The following MET variants were observed in gnomAD, a reference collection of about 807,000 sequenced individuals.
The protein encoded by MET is MET proto-oncogene, receptor tyrosine kinase, also known as hepatocyte growth factor receptor.
MET carries 48 observed loss-of-function variants against 133.1 expected under a neutral mutation model. The ratio of observed to expected loss-of-function variants is 0.36; its 90% CI spans 0.29 to 0.46. The LOEUF (loss-of-function observed/expected upper bound fraction) is 0.46. MET is among the 20% of genes least tolerant of loss of function. The probability of loss-of-function intolerance (pLI) is 1.00; values close to 1 mark genes in which losing one functional copy is unlikely to be tolerated. For missense variants in MET, 1,442 were observed against 1,695.9 expected (o/e 0.85, Z 2.63); for synonymous variants, 628 against 616.5 (o/e 1.02, Z -0.28).
chr7:116,764,549 T>A (rs1794543866), intron 11 of MET, among the ~76,000 whole-genome samples: 1 of 152,142 alleles, frequency 6.6e-6, no homozygotes, highest in Non-Finnish European at 1.5e-5. Flanking sequence ...CCTGTATCTA[T>A]GATGAAGGGA....
intron 19 of MET, among the ~76,000 whole-genome samples, chr7:116,785,169 A>G (rs934125452): frequency 7.9e-5 from 12 of 152,222 alleles, no homozygotes; most frequent in African/African-American, 2.7e-4. Flanking sequence ...CTGTGGCTCT[A>G]CAGGGCTCAG....
At chr7:116,732,698 C>G (rs532673266) in intron 3 of MET, among the ~76,000 whole-genome samples, 1 of 152,298 alleles carries the variant, frequency 6.6e-6, no homozygotes, top group South Asian at 2.1e-4. Flanking sequence ...GTACCCTCAT[C>G]AGACAATAAC....
chr7:116,786,801 A>G (rs2117078495), intron 19 of MET, among the ~76,000 whole-genome samples: 1 of 152,338 alleles, frequency 6.6e-6, no homozygotes, highest in South Asian at 2.1e-4. Flanking sequence ...TTCATGGGGG[A>G]CATGCACTTG....
intron 1 of MET, among the ~76,000 whole-genome samples, chr7:116,690,730 T>G (rs569599303): frequency 6.6e-6 from 1 of 152,330 alleles, no homozygotes; most frequent in South Asian, 2.1e-4. Context: ...TCCATTTAGG[T>G]TGCACATTTA....
chr7:116,678,104 G>A (rs1459642168), intron 1 of MET, among the ~76,000 whole-genome samples: 1 of 152,048 alleles, frequency 6.6e-6, no homozygotes, highest in African/African-American at 2.4e-5. Flanking sequence ...CCCTTTAAAA[G>A]CAATCAGATC....
At chr7:116,733,710 G>A (rs566916755) in intron 3 of MET, among the ~76,000 whole-genome samples, 2 of 152,108 alleles carry the variant, frequency 1.3e-5, no homozygotes, top group Non-Finnish European at 2.9e-5. Flanking sequence ...AAAAGTACTG[G>A]TATCACTGAT....
chr7:116,759,250 C>A, intron 9 of MET, 141 bp from the exon 10 acceptor site: 1 of 1,244,680 alleles, frequency 8.0e-7, no homozygotes, highest in Non-Finnish European at 1.1e-6. Context: ...TTCCAAAGAA[C>A]AGTTACCCAT....
At chr7:116,748,742 A>G (rs1016098351) in intron 5 of MET, among the ~76,000 whole-genome samples, 3 of 152,240 alleles carry the variant, frequency 2.0e-5, no homozygotes, top group African/African-American at 7.2e-5. Context: ...GAGAAGAATC[A>G]AATAGACACA....
chr7:116,677,172 G>C (rs1258398427), intron 1 of MET, among the ~76,000 whole-genome samples: 1 of 151,920 alleles, frequency 6.6e-6, no homozygotes. Context: ...TTTTTTCACT[G>C]ATCCCTTCCA....
At chr7:116,691,547 G>T (rs973864111) in intron 1 of MET, among the ~76,000 whole-genome samples, 3 of 152,180 alleles carry the variant, frequency 2.0e-5, no homozygotes, top group Admixed American at 1.3e-4. Flanking sequence ...AGGAAGAAAA[G>T]AAGAAATTTT....
chr7:116,769,865 A>G, intron 12 of MET, 74 bp downstream of exon 12: 1 of 1,600,246 alleles, frequency 6.2e-7, no homozygotes, highest in Non-Finnish European at 8.6e-7. Context: ...GGCTTAAAAT[A>G]AATCATTAAA....
At chr7:116,743,040 C>T (rs1287293358) in intron 5 of MET, among the ~76,000 whole-genome samples, 2 of 152,206 alleles carry the variant, frequency 1.3e-5, no homozygotes, top group Admixed American at 6.5e-5. Context: ...GTACACGGCT[C>T]ATCTCATTGG....
intron 5 of MET, among the ~76,000 whole-genome samples, chr7:116,742,220 T>G (rs917109442): frequency 3.3e-5 from 5 of 152,206 alleles, no homozygotes; most frequent in African/African-American, 9.7e-5. Flanking sequence ...GGAGCAAGAT[T>G]TGTAGTGGGT....
In MET at chr7:116,796,440, A is replaced by G; in HGVS notation, c.*316A>G. On this transcript the variant is annotated 3_prime_UTR_variant, in exon 21 of 21. Transcript: ENST00000397752. The stretch of plus-strand genomic sequence containing the variant: ...CACTTGATTTCATATGGGAAATTGA[A>G]GCAGGAAATATTGAGGGCTTCTTGA... 1 of 459,102 alleles carries G rather than the reference A, an allele frequency of 2.2e-6. No homozygotes were observed. Among genetic ancestry groups the G allele is most frequent in the Non-Finnish European group, 4.0e-6 (1 of 249,706 alleles). 28.4% of individuals were successfully genotyped at this position (459,102 alleles called of 1,614,324 possible).
intron 3 of MET, among the ~76,000 whole-genome samples, chr7:116,736,021 G>C (rs979973046): frequency 6.6e-6 from 1 of 151,922 alleles, no homozygotes; most frequent in Admixed American, 6.6e-5. Context: ...CAAGTGATCT[G>C]CCCGCCTTGG....
intron 2 of MET, among the ~76,000 whole-genome samples, chr7:116,716,211 CCA>C (rs1233869210): frequency 6.8e-6 from 1 of 147,592 alleles, no homozygotes. Context: ...CAAGATTGTG[CCA>C]CTGCACTGCC....
rs2117065671 is a variant in MET, at chr7:116,783,332, G to A, written c.3661G>A (p.Ala1221Thr). 1 of 1,614,110 alleles carries A rather than the reference G, an allele frequency of 6.2e-7. No homozygotes were observed. Among genetic ancestry groups the A allele is most frequent in the Non-Finnish European group, 8.5e-7 (1 of 1,180,008 alleles). ...MLDEKFTVKV[A>T]DFGLARDMYD... ...GGATGAAAAATTCACAGTCAAGGTT[G>A]CTGATTTTGGTCTTGCCAGAGACAT... Residue 1221 changes from alanine (A) to threonine (T), a missense_variant, in exon 19 of 21, where the codon GCT (alanine) becomes ACT (threonine). By Grantham distance (58) the Ala-to-Thr change is moderately conservative. Transcript: ENST00000397752.
chr7:116,754,869 AAGAAAGAG>A (rs1794065909), intron 5 of MET, among the ~76,000 whole-genome samples: 1 of 142,326 alleles, frequency 7.0e-6, no homozygotes, highest in Admixed American at 7.3e-5. Flanking sequence ...AAGAAAAAGA[AAGAAAGAG>A]AGAGAGAGAG....
In MET at chr7:116,771,719, T is replaced by C. The variant is rs1794839735; in HGVS notation, c.2887+65T>C. On this transcript the variant is annotated intron_variant, in intron 13 of 20. Transcript: ENST00000397752. ...AGAACACAGTCATTACAGTTTAAGA[T>C]TGTCGTCGATTCTTGTGTGCTGTCT... The C allele has an allele frequency of 5.0e-6, 8 of 1,608,688 alleles. No individual in the cohort carries two copies. The South Asian group carries it at 7.7e-5, about 16-fold the overall frequency.
Sources: allele counts gnomAD v4.1 joint callset (sites outside exome capture counted in the v4.1 genomes callset), GRCh38; gene constraint gnomAD v4.1.1; transcripts MANE v1.5; gene names NCBI Gene and HGNC (gene_info 2026-07-23, HGNC 2026-07-21).